Variants in KRABD2 observed in about 807,000 individuals in gnomAD.
The protein encoded by KRABD2 is KRAB domain containing 2.
chr17:8,369,089 A>G, the KRABD2 span: 1 of 1,557,722 alleles, frequency 6.4e-7, no homozygotes, highest in Non-Finnish European at 8.6e-7. Flanking sequence ...TCAGATGACT[A>G]TGCTCAGAGA....
At chr17:8,363,059 T>C in the KRABD2 span, among the ~76,000 whole-genome samples, 5 of 152,276 alleles carry the variant, frequency 3.3e-5, no homozygotes, top group Middle Eastern at 3.4e-3. Context: ...ATTTGGAAAA[T>C]ATAATCTGCT....
the KRABD2 span, chr17:8,371,635 A>G: frequency 7.0e-7 from 1 of 1,426,772 alleles, no homozygotes; most frequent in South Asian, 1.6e-5. Context: ...TGGATGAGGG[A>G]AAGGAGTTTT....
the KRABD2 span, chr17:8,376,077 T>A: frequency 8.1e-7 from 1 of 1,231,752 alleles, no homozygotes; most frequent in Non-Finnish European, 1.0e-6. Flanking sequence ...CTTTGCATCT[T>A]TAGTCGACCA....
the KRABD2 span, chr17:8,370,475 C>T: frequency 3.9e-5 from 34 of 862,252 alleles, no homozygotes; most frequent in Non-Finnish European, 5.5e-5. Context: ...TCAATTCTTT[C>T]ATCTAATTTT....
the KRABD2 span, among the ~76,000 whole-genome samples, chr17:8,366,411 C>A: frequency 2.0e-5 from 3 of 152,246 alleles, no homozygotes; most frequent in East Asian, 5.8e-4. Context: ...GTTCCAGAAA[C>A]CTTGATTATT....
chr17:8,361,403 T>C, the KRABD2 span, among the ~76,000 whole-genome samples: 2 of 152,180 alleles, frequency 1.3e-5, no homozygotes, highest in African/African-American at 4.8e-5. Context: ...ACTCTGGCAG[T>C]GCCTAGAGTA....
At chr17:8,363,828 TAC>T in the KRABD2 span, among the ~76,000 whole-genome samples, 6,182 of 61,276 alleles carry the variant, frequency 0.1, 242 homozygotes, top group African/African-American at 0.12. Flanking sequence ...ATATATATCA[TAC>T]ATATATATAT....
At chr17:8,369,209 G>A in the KRABD2 span, 9 of 1,614,054 alleles carry the variant, frequency 5.6e-6, no homozygotes, top group African/African-American at 2.7e-5. Flanking sequence ...CCATGTCATC[G>A]TCCATATCAG....
the KRABD2 span, chr17:8,371,701 C>A: frequency 7.2e-7 from 1 of 1,383,752 alleles, no homozygotes; most frequent in Non-Finnish European, 9.3e-7. Flanking sequence ...GAGCTGTAGC[C>A]CATTTATTAA....
At chr17:8,363,110 A>C in the KRABD2 span, among the ~76,000 whole-genome samples, 1 of 152,206 alleles carries the variant, frequency 6.6e-6, no homozygotes, top group Non-Finnish European at 1.5e-5. Context: ...GGCTAGGGGC[A>C]GTGAGGGAGA....
At chr17:8,370,955 G>A in the KRABD2 span, among the ~76,000 whole-genome samples, 1 of 152,128 alleles carries the variant, frequency 6.6e-6, no homozygotes, top group African/African-American at 2.4e-5. Flanking sequence ...GATCACTTGA[G>A]GTCAGGAGTT....
chr17:8,376,627 G>C, the KRABD2 span: 3 of 985,774 alleles, frequency 3.0e-6, no homozygotes, highest in Non-Finnish European at 3.6e-6. Context: ...GACTGAGGAA[G>C]GTCAGGAAGG....
chr17:8,361,994 C>T, the KRABD2 span, among the ~76,000 whole-genome samples: 1 of 152,158 alleles, frequency 6.6e-6, no homozygotes, highest in African/African-American at 2.4e-5. Context: ...ATTTCTTCAG[C>T]TTCAACTGAC....
At chr17:8,370,235 G>A in the KRABD2 span, 45 of 1,613,410 alleles carry the variant, frequency 2.8e-5, no homozygotes, top group Non-Finnish European at 3.7e-5. Context: ...ATACCTTGCT[G>A]TTGTAACTTT....
chr17:8,367,195 T>C, the KRABD2 span: 1 of 152,116 alleles, frequency 6.6e-6, no homozygotes, highest in South Asian at 2.1e-4. Flanking sequence ...ATGAGAAGTG[T>C]GTCTCTTAAA....
chr17:8,376,255 G>A, the KRABD2 span: 1 of 1,229,856 alleles, frequency 8.1e-7, no homozygotes, highest in South Asian at 4.2e-5. Context: ...GCAGCGGTAC[G>A]GCCGAGTCTA....
the KRABD2 span, among the ~76,000 whole-genome samples, chr17:8,363,657 T>C: frequency 7.2e-5 from 11 of 151,862 alleles, no homozygotes; most frequent in Non-Finnish European, 1.3e-4. Context: ...TATTTTCTAC[T>C]TTTTAAATGG....
chr17:8,362,069 G>A, the KRABD2 span, among the ~76,000 whole-genome samples: 1 of 151,392 alleles, frequency 6.6e-6, no homozygotes, highest in African/African-American at 2.4e-5. The surrounding 1 kb of genome is among the most constrained non-coding windows in gnomAD (Gnocchi z 4.2). Context: ...GCTCACGCCT[G>A]TAATCCCAGC....
At chr17:8,369,796 T>C in the KRABD2 span, 1 of 1,614,266 alleles carries the variant, frequency 6.2e-7, no homozygotes, top group Non-Finnish European at 8.5e-7. Flanking sequence ...CCATCGGCAC[T>C]GGACTGCATG....
Sources: allele counts gnomAD v4.1 joint callset (sites outside exome capture counted in the v4.1 genomes callset), GRCh38; gene constraint gnomAD v4.1.1; non-coding constraint Gnocchi (gnomAD v3.1); transcripts MANE v1.5; gene names NCBI Gene and HGNC (gene_info 2026-07-23, HGNC 2026-07-21).